CSMD1: variants seen among roughly 807,000 people sequenced by gnomAD.
CSMD1 encodes CUB and sushi domain-containing protein 1.
Under a neutral mutation model 417.5 loss-of-function variants are expected in CSMD1, and 213 were observed. The ratio of observed to expected loss-of-function variants is 0.51; its 90% CI spans 0.46 to 0.57. CSMD1 has a LOEUF of 0.57. Among genes scored for constraint, CSMD1 ranks in the 20% least tolerant of loss-of-function variants. The pLI is 0.00. For synonymous variants in CSMD1, 2,862 were observed against 1,736.8 expected (o/e 1.65, Z -16.11); for missense variants, 6,923 against 4,529.7 (o/e 1.53, Z -15.17).
At position 3,407,900 on chromosome 8, in the gene CSMD1, G is replaced by C. The variant is rs750556000; in HGVS notation, c.2070C>G (p.Thr690=). The C allele has an allele frequency of 3.9e-5, 62 of 1,603,018 alleles. 1 individual carries two copies. In the Admixed American group the frequency reaches 1.0e-3, roughly 26 times the overall value. ...TTGRGFNITY[T]TFGQNECHDP... ...TGTTGACTGTGTGGGCGTACTTACTGGTGTAAGTGATGTTGAACCCTCTGC... is the reference window on the plus strand; with the variant it reads ...TGTTGACTGTGTGGGCGTACTTACTCGTGTAAGTGATGTTGAACCCTCTGC... Residue 690 remains threonine (T), a splice_region_variant and synonymous_variant, in exon 14 of 70, where the codon ACC becomes ACG. Coordinates refer to ENST00000635120, the MANE Select transcript of CSMD1 (RefSeq NM_033225.6).
At chr8:3,690,036 A>G (rs547268772) in intron 7 of CSMD1, among the ~76,000 whole-genome samples, 9 of 152,238 alleles carry the variant, frequency 5.9e-5, no homozygotes, top group Admixed American at 5.2e-4. Flanking sequence ...TTGCTTTAGC[A>G]AACATAAAAT....
chr8:4,434,243 G>A (rs749276336), intron 2 of CSMD1, among the ~76,000 whole-genome samples: 14 of 152,126 alleles, frequency 9.2e-5, no homozygotes, highest in African/African-American at 2.9e-4. Flanking sequence ...ATAGGGTGTG[G>A]CTGTAAAAGC....
chr8:3,035,837 C>A (rs1232835453), intron 50 of CSMD1, among the ~76,000 whole-genome samples: 2 of 152,090 alleles, frequency 1.3e-5, no homozygotes, highest in African/African-American at 2.4e-5. Context: ...TATATTTCTT[C>A]TTTTTTATTT....
rs183390244 is a variant in CSMD1, at chr8:3,603,366, G to C, written c.1097+13344C>G. The stretch of plus-strand genomic sequence containing the variant: ...TGAAAACACTTTGGACAATGGCAGG[G>C]GACTTAGGCGCGGCAGGCTCAAATA... On this transcript the variant is annotated intron_variant, in intron 8 of 69. Coordinates refer to ENST00000635120, the MANE Select transcript of CSMD1 (RefSeq NM_033225.6). 1.1e-4 allele frequency among the ~76,000 whole-genome samples: 17 copies of C among 152,210 alleles called. No individual in the cohort carries two copies. The East Asian group carries it at 2.9e-3, about 26-fold the overall frequency.
chr8:4,595,651 C>G (rs894619458), intron 2 of CSMD1, among the ~76,000 whole-genome samples: 2 of 152,084 alleles, frequency 1.3e-5, no homozygotes, highest in African/African-American at 4.8e-5. Context: ...TCTGTAGTCC[C>G]AGCTACTGGG....
chr8:3,177,593 C>A (rs1308561450), intron 37 of CSMD1, among the ~76,000 whole-genome samples: 1 of 152,154 alleles, frequency 6.6e-6, no homozygotes, highest in Non-Finnish European at 1.5e-5. Flanking sequence ...GTAGGGATAA[C>A]TGGGGCAATA....
chr8:3,201,397 T>C (rs1366074137), intron 32 of CSMD1, among the ~76,000 whole-genome samples: 1 of 152,186 alleles, frequency 6.6e-6, no homozygotes, highest in Non-Finnish European at 1.5e-5. Context: ...TTTTCTGCAA[T>C]CTTAGTAAGA....
chr8:4,746,993 G>C (rs972998726), intron 1 of CSMD1, among the ~76,000 whole-genome samples: 4 of 152,152 alleles, frequency 2.6e-5, no homozygotes, highest in Admixed American at 6.6e-5. Flanking sequence ...TTCTCAAGCA[G>C]GGAACTCGTG....
rs1297686057 is a variant in CSMD1, at chr8:3,206,364, A to G, written c.4868-744T>C. Among the ~76,000 whole-genome samples, 169 of 69,248 alleles carry G rather than the reference A, an allele frequency of 2.4e-3. 1 individual carries two copies. Among genetic ancestry groups the G allele is most frequent in the African/African-American group, 8.0e-3 (133 of 16,728 alleles). 45.4% of individuals were successfully genotyped at this position (69,248 alleles called of 152,430 possible). On this transcript the variant is annotated intron_variant, in intron 30 of 69. Transcript: ENST00000635120. Reference sequence around the variant, plus strand: ...GTTTGGGGTGTGTGTGTATGTGTGTATTGGGGGTATGTCTGTGTGTGTGTA... The same window carrying G: ...GTTTGGGGTGTGTGTGTATGTGTGTGTTGGGGGTATGTCTGTGTGTGTGTA...
intron 2 of CSMD1, among the ~76,000 whole-genome samples, chr8:4,513,739 C>A (rs1165633347): frequency 6.6e-6 from 1 of 152,170 alleles, no homozygotes; most frequent in East Asian, 1.9e-4. Flanking sequence ...AAACTTGCTA[C>A]TTTGGCAAAA....
intron 1 of CSMD1, among the ~76,000 whole-genome samples, chr8:4,805,820 G>A (rs770089820): frequency 1.3e-5 from 2 of 152,124 alleles, no homozygotes; most frequent in African/African-American, 4.8e-5. Flanking sequence ...CTGGAACATG[G>A]AAAACTCGAA....
At chr8:4,217,787 G>C (rs1156417071) in intron 3 of CSMD1, among the ~76,000 whole-genome samples, 2 of 152,152 alleles carry the variant, frequency 1.3e-5, no homozygotes, top group East Asian at 1.9e-4. Flanking sequence ...GTTGGGCTAA[G>C]AGACCACAGA....
At chr8:3,416,984 T>C (rs1360783311) in intron 12 of CSMD1, among the ~76,000 whole-genome samples, 1 of 152,222 alleles carries the variant, frequency 6.6e-6, no homozygotes, top group Non-Finnish European at 1.5e-5. Flanking sequence ...TCTCAATAGA[T>C]GACTATTGGA....
chr8:4,172,452 G>C (rs895575725), intron 3 of CSMD1, among the ~76,000 whole-genome samples: 4 of 152,030 alleles, frequency 2.6e-5, no homozygotes, highest in Non-Finnish European at 5.9e-5. Flanking sequence ...CCCAGGTGTT[G>C]TGTTACAACA....
chr8:4,660,577 A>G (rs1480349417), intron 1 of CSMD1, among the ~76,000 whole-genome samples: 1 of 152,196 alleles, frequency 6.6e-6, no homozygotes, highest in Non-Finnish European at 1.5e-5. Context: ...TAATTTTAAA[A>G]TAATAGACAC....
At chr8:4,058,490 T>C (rs1363643295) in intron 3 of CSMD1, among the ~76,000 whole-genome samples, 1 of 152,124 alleles carries the variant, frequency 6.6e-6, no homozygotes, top group Non-Finnish European at 1.5e-5. Flanking sequence ...ACAGGGACAA[T>C]TTGCCTTCCT....
chr8:4,546,122 C>T (rs1797619471), intron 2 of CSMD1, among the ~76,000 whole-genome samples: 1 of 152,156 alleles, frequency 6.6e-6, no homozygotes, highest in Non-Finnish European at 1.5e-5. Flanking sequence ...AAACTTTCTT[C>T]AGCTCATCAG....
At chr8:4,534,034 C>T (rs1370893959) in intron 2 of CSMD1, among the ~76,000 whole-genome samples, 1 of 151,644 alleles carries the variant, frequency 6.6e-6, no homozygotes, top group Admixed American at 6.6e-5. Context: ...GAACAGTCTT[C>T]CAATTTATAG....
intron 3 of CSMD1, among the ~76,000 whole-genome samples, chr8:4,391,125 C>T (rs948433265): frequency 6.6e-6 from 1 of 152,166 alleles, no homozygotes; most frequent in Non-Finnish European, 1.5e-5. Context: ...CTGTGTTTCT[C>T]TAGGGACCCA....
Sources: gnomAD v4.1 joint callset for allele counts (sites outside exome capture counted in the v4.1 genomes callset) on GRCh38, gnomAD v4.1.1 for gene constraint, MANE v1.5 for transcripts, NCBI Gene and HGNC (gene_info 2026-07-23, HGNC 2026-07-21) for gene names.